SLC27A1: variants seen among roughly 807,000 people sequenced by gnomAD.
SLC27A1 encodes the protein long-chain fatty acid transport protein 1.
SLC27A1 carries 61 observed loss-of-function variants against 62.2 expected under a neutral mutation model. That is an observed-to-expected ratio of 0.98 (90% CI 0.80 to 1.21). The LOEUF (loss-of-function observed/expected upper bound fraction) is 1.21, where lower values mean the gene tolerates loss of function less well. Among genes scored for constraint, SLC27A1 ranks in the 50% most tolerant of loss-of-function variants. SLC27A1 has a pLI of 0.00. For missense variants in SLC27A1, 903 were observed against 932.1 expected, an observed-to-expected ratio of 0.97 and a Z score of 0.41; for synonymous variants, 435 against 408.6, an observed-to-expected ratio of 1.06 and a Z score of -0.78.
rs1418773404 is a variant in SLC27A1, at chr19:17,470,606, G to T, written c.66G>T (p.Leu22=). 6.4e-7 allele frequency: 1 copy of T among 1,569,194 alleles called. No homozygotes were observed. Among genetic ancestry groups the T allele is most frequent in the South Asian group, 1.1e-5 (1 of 87,222 alleles). ...TGGCGCTGTTGTGGCTGCTGGGGCT[G>T]CCGTGGACCTGGAGCGCGGCAGCGG... ...VSLALLWLLG[L]PWTWSAAAAL... The change falls in exon 1 of 12, where the codon CTG becomes CTT. Residue 22 remains leucine (L), a synonymous_variant. Coordinates refer to ENST00000252595, the MANE Select transcript of SLC27A1 (RefSeq NM_198580.3).
At chr19:17,479,542 T>C (rs1251672071) in intron 1 of SLC27A1, among the ~76,000 whole-genome samples, 1 of 152,212 alleles carries the variant, frequency 6.6e-6, no homozygotes, top group Non-Finnish European at 1.5e-5. Context: ...GAAGCTACAA[T>C]GAATAGCACT....
chr19:17,496,927 G>T, intron 6 of SLC27A1: 1 of 245,358 alleles, frequency 4.1e-6, no homozygotes, highest in Non-Finnish European at 7.8e-6. Context: ...GGAGGCTAAG[G>T]CTGGAAGATC....
At position 17,470,569 on chromosome 19, in the gene SLC27A1, C is replaced by G. The variant is rs567748579; in HGVS notation, c.29C>G (p.Ser10Trp). 23 of 1,567,630 alleles carry G rather than the reference C, an allele frequency of 1.5e-5. No individual in the cohort carries two copies. In the South Asian group the frequency reaches 2.2e-4, roughly 15 times the overall value. ...CGGGCTCCGGGTGCGGGCGCGGCCT[C>G]GGTGGTCTCGCTGGCGCTGTTGTGG... MRAPGAGAA[S>W]VVSLALLWLL... Residue 10 changes from serine to tryptophan, a missense_variant, in exon 1 of 12, where the codon TCG becomes TGG. Transcript: ENST00000252595.
intron 1 of SLC27A1, among the ~76,000 whole-genome samples, chr19:17,473,116 A>G (rs529968429): frequency 6.6e-6 from 1 of 152,158 alleles, no homozygotes; most frequent in Non-Finnish European, 1.5e-5. Flanking sequence ...TATTTTTTGT[A>G]GAGACGTGGT....
chr19:17,502,360 T>G (rs1372001637), intron 11 of SLC27A1, among the ~76,000 whole-genome samples: 3 of 102,338 alleles, frequency 2.9e-5, no homozygotes, highest in East Asian at 2.5e-4. Context: ...TTTTTTTTTT[T>G]TTTTTTTTTG....
intron 6 of SLC27A1, among the ~76,000 whole-genome samples, chr19:17,490,483 G>C (rs2075284125): frequency 6.6e-6 from 1 of 151,926 alleles, no homozygotes; most frequent in South Asian, 2.1e-4. Context: ...AAATTACAGA[G>C]AGTAGCAAAT....
At chr19:17,496,880 C>A in intron 6 of SLC27A1, 1 of 181,820 alleles carries the variant, frequency 5.5e-6, no homozygotes, top group South Asian at 1.0e-4. Context: ...GCGAGATCCC[C>A]CATCTCTACA....
At chr19:17,481,652 C>CGCCA (rs2075179696) in intron 1 of SLC27A1, among the ~76,000 whole-genome samples, 1 of 151,912 alleles carries the variant, frequency 6.6e-6, no homozygotes, top group South Asian at 2.1e-4. Flanking sequence ...TACAGGCTTG[C>CGCCA]GCCACTACCC....
In SLC27A1 at chr19:17,500,491, C is replaced by G. The variant is rs2144617646; in HGVS notation, c.1334-4C>G. The G allele has an allele frequency of 6.2e-7, 1 of 1,613,578 alleles. No individual in the cohort carries two copies. Among genetic ancestry groups the G allele is most frequent in the African/African-American group, 1.3e-5 (1 of 75,056 alleles). ...GCGCAGCCTGAACATGGCCTTCTCCCTAGGGGAGCCTGGCCTCCTTGTGGG... is the reference window on the plus strand; with the variant it reads ...GCGCAGCCTGAACATGGCCTTCTCCGTAGGGGAGCCTGGCCTCCTTGTGGG... On this transcript the variant is annotated splice_region_variant and splice_polypyrimidine_tract_variant and intron_variant, in intron 8 of 11. Transcript: ENST00000252595.
Position 17,505,123 on chromosome 19 carries a change from A to C in SLC27A1, c.*511A>C. On this transcript the variant is annotated 3_prime_UTR_variant, in exon 12 of 12. Transcript: ENST00000252595. ...TGGTCAGGTTGGTCTTGAACTCCTG[A>C]CCTCAGGTGATCCGCTGGCCTCGGC... 8.9e-6 allele frequency: 3 copies of C among 337,474 alleles called. No individual in the cohort carries two copies. The highest frequency in any genetic ancestry group is 1.7e-5 in the Non-Finnish European group (3 of 171,610). 20.9% of individuals were successfully genotyped at this position (337,474 alleles called of 1,614,324 possible).
Position 17,505,302 on chromosome 19 carries a change from G to A in SLC27A1, c.*690G>A, listed in dbSNP as rs904250117. The A allele has an allele frequency of 5.5e-6, 1 of 180,380 alleles. No homozygotes were observed. Among genetic ancestry groups the A allele is most frequent in the Non-Finnish European group, 1.2e-5 (1 of 84,148 alleles). 11.2% of individuals were successfully genotyped at this position (180,380 alleles called of 1,614,324 possible). Reference sequence around the variant, plus strand: ...GGGACTGCAGGAATCATCTCCCCTGGGCCCTGGACTCGGACTGGGGCCTCC... The same window carrying A: ...GGGACTGCAGGAATCATCTCCCCTGAGCCCTGGACTCGGACTGGGGCCTCC... On this transcript the variant is annotated 3_prime_UTR_variant, in exon 12 of 12. Coordinates refer to ENST00000252595, the MANE Select transcript of SLC27A1 (RefSeq NM_198580.3).
intron 4 of SLC27A1, among the ~76,000 whole-genome samples, chr19:17,488,500 G>A (rs951782150): frequency 4.6e-5 from 7 of 150,928 alleles, no homozygotes; most frequent in Admixed American, 1.3e-4. Flanking sequence ...CACTCCTTCC[G>A]GCCTCAGGGC....
chr19:17,486,452 C>T lies in SLC27A1; in HGVS notation c.168-111C>T. ...AGCCACCAAAAGTTTCACCATAGAC[C>T]TCATCAAAGCCCCTGGCTGCCCTGG... is the stretch of plus-strand genomic sequence containing the variant. On this transcript the variant is annotated intron_variant, in intron 1 of 11. Transcript: ENST00000252595. The surrounding 1 kb of genome is among the most constrained non-coding windows in gnomAD (Gnocchi z 6.6). The T allele has an allele frequency of 7.7e-7, 1 of 1,303,590 alleles. No homozygotes were observed. Among genetic ancestry groups the T allele is most frequent in the Non-Finnish European group, 1.0e-6 (1 of 973,758 alleles). 80.8% of individuals were successfully genotyped at this position (1,303,590 alleles called of 1,614,324 possible).
At position 17,500,586 on chromosome 19, in the gene SLC27A1, G is replaced by A. The variant is rs2075399844; in HGVS notation, c.1425G>A (p.Lys475=). The change falls in exon 9 of 12, where the codon AAG becomes AAA. Residue 475 remains lysine (K), a synonymous_variant. Coordinates refer to ENST00000252595, the MANE Select transcript of SLC27A1 (RefSeq NM_198580.3). ...GYVSESATSK[K]IAHSVFSKGD... Reference sequence around the variant, plus strand: ...TCAGCGAGAGCGCCACCAGCAAGAAGATCGCCCACAGCGTCTTCAGCAAGG... The same window carrying A: ...TCAGCGAGAGCGCCACCAGCAAGAAAATCGCCCACAGCGTCTTCAGCAAGG... 1 of 1,613,636 alleles carries A rather than the reference G, an allele frequency of 6.2e-7. No individual in the cohort carries two copies. The highest frequency in any genetic ancestry group is 8.5e-7 in the Non-Finnish European group (1 of 1,179,978).
At chr19:17,482,202 T>G (rs2075185044) in intron 1 of SLC27A1, among the ~76,000 whole-genome samples, 1 of 152,088 alleles carries the variant, frequency 6.6e-6, no homozygotes, top group Admixed American at 6.6e-5. Context: ...GGTAAATGAG[T>G]ACATTGCACG....
chr19:17,487,926 G>A (rs2075253844), intron 4 of SLC27A1, among the ~76,000 whole-genome samples: 1 of 150,156 alleles, frequency 6.7e-6, no homozygotes, highest in Non-Finnish European at 1.5e-5. Context: ...GCCCCTCCTC[G>A]GGCTCCTCCT....
intron 1 of SLC27A1, among the ~76,000 whole-genome samples, chr19:17,471,554 G>T (rs550307600): frequency 1.3e-5 from 2 of 152,128 alleles, no homozygotes; most frequent in South Asian, 2.1e-4. Flanking sequence ...ATTGCTGGGG[G>T]CTTCTATCAG....
Position 17,489,129 on chromosome 19 carries a change from C to G in SLC27A1, c.996+12C>G, listed in dbSNP as rs2075269080. 1.2e-6 allele frequency: 2 copies of G among 1,611,578 alleles called. No homozygotes were observed. The highest frequency in any genetic ancestry group is 1.7e-6 in the Non-Finnish European group (2 of 1,178,306). On this transcript the variant is annotated intron_variant, in intron 6 of 11. Coordinates refer to ENST00000252595, the MANE Select transcript of SLC27A1 (RefSeq NM_198580.3). ...AGTACAACTGCACGGTCAGGCCCTG[C>G]CCTGTTCTGTCTAGACCCCGCCCCT...
At chr19:17,488,796 T>TG in intron 4 of SLC27A1, 52 bp from the exon 5 acceptor site, 1 of 1,537,392 alleles carries the variant, frequency 6.5e-7, no homozygotes, top group Non-Finnish European at 8.9e-7. Context: ...GCCTGTACCC[T>TG]GGGGGATTTA....
Sources: gnomAD v4.1 joint callset for allele counts (sites outside exome capture counted in the v4.1 genomes callset) on GRCh38, gnomAD v4.1.1 for gene constraint, Gnocchi (gnomAD v3.1) non-coding constraint, MANE v1.5 for transcripts, NCBI Gene and HGNC (gene_info 2026-07-23, HGNC 2026-07-21) for gene names.